The following DGKI variants were observed in gnomAD, a reference collection of about 807,000 sequenced individuals.
DGKI encodes the protein diacylglycerol kinase iota, also known as DAG kinase iota.
A neutral mutation model predicts 147.5 loss-of-function variants in DGKI; 55 were observed. That is an observed-to-expected ratio of 0.37 (90% CI 0.30 to 0.47). The LOEUF is 0.47. Ranked by LOEUF, DGKI falls within the 20% of genes least tolerant of loss-of-function variation. The pLI is 1.00. For missense variants in DGKI, 1,007 were observed against 1,323.8 expected, an observed-to-expected ratio of 0.76 and a Z score of 3.71; for synonymous variants, 469 against 477.1, an observed-to-expected ratio of 0.98 and a Z score of 0.22.
At chr7:137,747,094 A>T (rs539986916) in intron 1 of DGKI, among the ~76,000 whole-genome samples, 145 of 152,208 alleles carry the variant, frequency 9.5e-4, no homozygotes, top group African/African-American at 3.2e-3. Context: ...AGGTTTTTTT[A>T]AAAAAAGTGT....
At chr7:137,721,687 TC>T (rs1794562197) in intron 1 of DGKI, among the ~76,000 whole-genome samples, 1 of 152,170 alleles carries the variant, frequency 6.6e-6, no homozygotes, top group African/African-American at 2.4e-5. Flanking sequence ...ATTTAATGTT[TC>T]CCTTTGCCTA....
At chr7:137,716,052 G>A (rs554347078) in intron 1 of DGKI, among the ~76,000 whole-genome samples, 4 of 152,326 alleles carry the variant, frequency 2.6e-5, no homozygotes, top group Admixed American at 2.0e-4. Flanking sequence ...ATGGCTGAGA[G>A]CAAGAGTTTG....
At chr7:137,791,825 C>T (rs3800665) in intron 1 of DGKI, among the ~76,000 whole-genome samples, 25,190 of 152,172 alleles carry the variant, frequency 0.17, 2,645 homozygotes, top group African/African-American at 0.29. Context: ...ACCACTCAAT[C>T]CTTTCCCCCT....
chr7:137,620,019 GCACA>G (rs3839659), intron 7 of DGKI, 79 bp from the exon 8 acceptor site: 13,586 of 501,098 alleles, frequency 0.027, 359 homozygotes, highest in African/African-American at 0.12. Context: ...ATGTACACAC[GCACA>G]CACACACACA....
chr7:137,840,550 G>T (rs958929344), intron 1 of DGKI, among the ~76,000 whole-genome samples: 22 of 152,180 alleles, frequency 1.4e-4, no homozygotes. Flanking sequence ...GCAAATTAAG[G>T]CCTTTTCTTT....
rs992023389 is a variant in DGKI, at chr7:137,399,758, T to C, written c.2921-2345A>G. On this transcript the variant is annotated intron_variant, in intron 30 of 32. Coordinates refer to ENST00000614521, the MANE Select transcript of DGKI (RefSeq NM_001321708.2). ...AACCCCGTCTCTACTAAAAATACAATAATTAGCCCAGCGTGGTGGTGTGTG... is the reference window on the plus strand; with the variant it reads ...AACCCCGTCTCTACTAAAAATACAACAATTAGCCCAGCGTGGTGGTGTGTG... 1.1e-4 allele frequency among the ~76,000 whole-genome samples: 16 copies of C among 151,642 alleles called. 1 individual carries two copies. Among genetic ancestry groups the C allele is most frequent in the African/African-American group, 3.1e-4 (13 of 41,306 alleles).
chr7:137,825,517 G>C (rs1798028514), intron 1 of DGKI, among the ~76,000 whole-genome samples: 1 of 152,142 alleles, frequency 6.6e-6, no homozygotes, highest in South Asian at 2.1e-4. Context: ...TCATTTTTCA[G>C]ATGAGGACAT....
chr7:137,400,413 C>T (rs117823435), intron 30 of DGKI, among the ~76,000 whole-genome samples: 1,609 of 152,314 alleles, frequency 0.011, 8 homozygotes, highest in Non-Finnish European at 0.016. Flanking sequence ...CTCTGTCATT[C>T]GGTGTTCTCA....
intron 8 of DGKI, among the ~76,000 whole-genome samples, chr7:137,612,834 A>AATT (rs1820411525): frequency 6.6e-6 from 1 of 152,208 alleles, no homozygotes; most frequent in South Asian, 2.1e-4. Context: ...TGCAAGATCA[A>AATT]CACTAAAAAC....
intron 23 of DGKI, among the ~76,000 whole-genome samples, chr7:137,479,273 T>C (rs989722825): frequency 5.3e-5 from 8 of 152,210 alleles, no homozygotes. Context: ...TAAAATTACA[T>C]GCTCTTTAAA....
Position 137,506,700 on chromosome 7 carries a change from C to T in DGKI, c.2248+15166G>A, listed in dbSNP as rs149079851. On this transcript the variant is annotated intron_variant, in intron 21 of 32. Coordinates refer to ENST00000614521, the MANE Select transcript of DGKI (RefSeq NM_001321708.2). Reference sequence around the variant, plus strand: ...GGGAGAACTGTGTGTGGATAGGTTGCGGTAGGGGAGGGTTGAGAGGATATA... The same window carrying T: ...GGGAGAACTGTGTGTGGATAGGTTGTGGTAGGGGAGGGTTGAGAGGATATA... 4.3e-3 allele frequency among the ~76,000 whole-genome samples: 649 copies of T among 152,024 alleles called. 4 individuals carry two copies. The highest frequency in any genetic ancestry group is 0.015 in the African/African-American group (622 of 41,478).
chr7:137,733,117 T>C (rs538136476), intron 1 of DGKI, among the ~76,000 whole-genome samples: 1 of 152,056 alleles, frequency 6.6e-6, no homozygotes. Flanking sequence ...TTTAAACCAT[T>C]TTAATTGCTC....
intron 6 of DGKI, among the ~76,000 whole-genome samples, chr7:137,638,178 C>T (rs908528221): frequency 6.6e-6 from 1 of 152,028 alleles, no homozygotes; most frequent in African/African-American, 2.4e-5. Context: ...AGCTTGGTGG[C>T]TTCACAACTC....
rs189528986 is a variant in DGKI at position 137,646,395 on chromosome 7, A to G, written c.739-858T>C. Among the ~76,000 whole-genome samples, 391 of 152,302 alleles carry G rather than the reference A, an allele frequency of 2.6e-3. 3 individuals are homozygous for G. The highest frequency in any genetic ancestry group is 8.6e-3 in the African/African-American group (356 of 41,572). ...TTTAAACCATCCTTGGGCACCTTGA[A>G]CTATTACAGATTAGCTTTCAAGGTC... On this transcript the variant is annotated intron_variant, in intron 5 of 32. Coordinates refer to ENST00000614521, the MANE Select transcript of DGKI (RefSeq NM_001321708.2).
At chr7:137,700,922 T>TAAATAAAA (rs1324114100) in intron 1 of DGKI, among the ~76,000 whole-genome samples, 3 of 135,574 alleles carry the variant, frequency 2.2e-5, no homozygotes, top group African/African-American at 8.1e-5. Flanking sequence ...AATAAATAAA[T>TAAATAAAA]AAAATAAAGT....
intron 18 of DGKI, among the ~76,000 whole-genome samples, chr7:137,571,891 G>C (rs966627963): frequency 6.6e-6 from 1 of 151,892 alleles, no homozygotes; most frequent in East Asian, 1.9e-4. Flanking sequence ...GGACAAGAGA[G>C]GAAGGACAAG....
At chr7:137,580,601 C>T (rs560233724) in intron 15 of DGKI, among the ~76,000 whole-genome samples, 4 of 152,204 alleles carry the variant, frequency 2.6e-5, no homozygotes, top group African/African-American at 9.6e-5. Context: ...CCTCTCAAAA[C>T]CTTGGGAAAC....
intron 1 of DGKI, among the ~76,000 whole-genome samples, chr7:137,712,955 C>A (rs1794260500): frequency 6.6e-6 from 1 of 152,024 alleles, no homozygotes; most frequent in African/African-American, 2.4e-5. Context: ...AATGGTCAGC[C>A]AGCTTCAGCT....
At chr7:137,603,293 A>G (rs1278525073) in intron 10 of DGKI, among the ~76,000 whole-genome samples, 1 of 152,194 alleles carries the variant, frequency 6.6e-6, no homozygotes, top group African/African-American at 2.4e-5. Context: ...TCTTCATCAA[A>G]GCACCATAAC....
Sources: allele counts gnomAD v4.1 joint callset (sites outside exome capture counted in the v4.1 genomes callset), GRCh38; gene constraint gnomAD v4.1.1; transcripts MANE v1.5; gene names NCBI Gene and HGNC (gene_info 2026-07-23, HGNC 2026-07-21).